The following RNF103 variants were observed in gnomAD, a reference collection of about 807,000 sequenced individuals.
RNF103 encodes E3 ubiquitin-protein ligase RNF103.
Under a neutral mutation model 66.2 loss-of-function variants are expected in RNF103, and 23 were observed. The ratio of observed to expected loss-of-function variants is 0.35; its 90% confidence interval spans 0.25 to 0.49. The LOEUF is 0.49. RNF103 is among the 20% of genes least tolerant of loss of function. The pLI is 0.98. For synonymous variants in RNF103, 297 were observed against 289.9 expected (o/e 1.02, Z -0.25); for missense variants, 730 against 814.7 (o/e 0.90, Z 1.27).
At chr2:86,611,309 A>G (rs1333902205) in intron 3 of RNF103, among the ~76,000 whole-genome samples, 3 of 152,174 alleles carry the variant, frequency 2.0e-5, no homozygotes, top group Admixed American at 6.6e-5. Context: ...CTCTTAGAGG[A>G]ACTCTACCAT....
Position 86,604,454 on chromosome 2 carries a change from C to G in RNF103, c.1447G>C (p.Asp483His). 6.2e-7 allele frequency: 1 copy of G among 1,614,198 alleles called. No homozygotes were observed. The highest frequency in any genetic ancestry group is 1.3e-5 in the African/African-American group (1 of 75,058). The change falls in exon 4 of 4, where the codon GAC becomes CAC. Residue 483 changes from aspartate to histidine, a missense_variant. Physicochemically the swap from Asp to His is moderately conservative, Grantham distance 81 (BLOSUM62 -1). Coordinates refer to ENST00000237455, the MANE Select transcript of RNF103 (RefSeq NM_005667.4). ...TCCAAGAATAAGTCAGGGTCTTCGT[C>G]CCAATCAGATTCTACAGGAAAGTTC... ...FQNFPVESDW[D>H]EDPDLFLERL... is the part of the protein sequence containing the mutation.
intron 2 of RNF103, 114 bp from the exon 3 acceptor site, chr2:86,612,388 C>T (rs1573360566): frequency 1.6e-6 from 1 of 626,848 alleles, no homozygotes; most frequent in East Asian, 2.8e-5. Context: ...GTTCCCAGTT[C>T]TTGTTTACTG....
rs768609074 is a variant in RNF103 at position 86,620,445 on chromosome 2, T to C, written c.251A>G (p.Tyr84Cys). ...KSGDLMEGEL[Y>C]SALKEEEASE... ...TGCTTCTTCTTCCTTGAGAGCAGAA[T>C]AGAGCTCACCCTCCATCAAGTCACC... is the stretch of plus-strand genomic sequence containing the variant. Residue 84 changes from tyrosine (Y) to cysteine (C), a missense_variant, in exon 2 of 4, where the codon TAT becomes TGT. By Grantham distance (194) the Tyr-to-Cys change is radical. Coordinates refer to ENST00000237455, the MANE Select transcript of RNF103 (RefSeq NM_005667.4). The C allele has an allele frequency of 6.3e-7, 1 of 1,598,228 alleles. No individual in the cohort carries two copies. Among genetic ancestry groups the C allele is most frequent in the Non-Finnish European group, 8.6e-7 (1 of 1,168,696 alleles).
chr2:86,623,314 T>C lies in RNF103; in HGVS notation c.-428A>G. The C allele has an allele frequency of 7.1e-6, 7 of 987,174 alleles. No homozygotes were observed. The highest frequency in any genetic ancestry group is 1.1e-4 in the East Asian group (1 of 8,730). 61.2% of individuals were successfully genotyped at this position (987,174 alleles called of 1,614,324 possible). On this transcript the variant is annotated 5_prime_UTR_variant, in exon 1 of 4. Coordinates refer to ENST00000237455, the MANE Select transcript of RNF103 (RefSeq NM_005667.4). ...CAAGGGGGAGGGGGAGACCAAAAAA[T>C]AACTCAGATCCGCCCAGGAGGCGGG...
In RNF103 at chr2:86,623,634, C is replaced by T; in HGVS notation, c.-748G>A. On this transcript the variant is annotated 5_prime_UTR_variant, in exon 1 of 4. Transcript: ENST00000237455. ...CGGCCCGGCCCAGGATGGGGCGTCG[C>T]GGTCTCTGCAGATGGAATCGGTCTC... The T allele has an allele frequency of 9.1e-7, 1 of 1,099,294 alleles. No homozygotes were observed. Among genetic ancestry groups the T allele is most frequent in the South Asian group, 1.9e-5 (1 of 52,432 alleles). 68.1% of individuals were successfully genotyped at this position (1,099,294 alleles called of 1,614,324 possible). A position where few individuals can be genotyped will look rare whatever the true frequency, so the allele number is the denominator to read the frequency against.
At position 86,623,466 on chromosome 2, in the gene RNF103, G is replaced by C. The variant is rs1679319425; in HGVS notation, c.-580C>G. The C allele has an allele frequency of 1.0e-6, 1 of 982,220 alleles. No individual in the cohort carries two copies. The highest frequency in any genetic ancestry group is 1.2e-6 in the Non-Finnish European group (1 of 828,720). The allele number at this position is 982,220 out of a possible 1,614,324, so 60.8% of individuals were successfully genotyped here. The stretch of plus-strand genomic sequence containing the variant: ...AGCGTGTTCTGCGCGGGGAGGAGCG[G>C]CCGCCGCAACGCCGCGCCCGAAGCC... On this transcript the variant is annotated 5_prime_UTR_variant, in exon 1 of 4. Transcript: ENST00000237455.
intron 2 of RNF103, chr2:86,617,130 T>C (rs1015085911): frequency 1.1e-5 from 11 of 985,166 alleles, no homozygotes; most frequent in Non-Finnish European, 1.2e-5. Flanking sequence ...ATGTCATATG[T>C]ATGTTGCTAC....
intron 2 of RNF103, chr2:86,616,920 G>A (rs1679045378): frequency 1.0e-6 from 1 of 985,284 alleles, no homozygotes; most frequent in African/African-American, 1.7e-5. Context: ...CTGACCAAGG[G>A]TCTTTTGAAA....
At chr2:86,608,486 CAAAAAAA>C (rs1222638516) in intron 3 of RNF103, among the ~76,000 whole-genome samples, 14 of 40,114 alleles carry the variant, frequency 3.5e-4, no homozygotes, top group African/African-American at 6.8e-4. Context: ...GACTCCATCT[CAAAAAAA>C]AAAAAAAAAA....
chr2:86,608,737 T>A (rs867367293), intron 3 of RNF103, among the ~76,000 whole-genome samples: 13 of 151,924 alleles, frequency 8.6e-5, no homozygotes, highest in African/African-American at 3.1e-4. Flanking sequence ...TCTTTACTAA[T>A]CCCCATCTCC....
At chr2:86,612,717 A>T (rs58366366) in intron 2 of RNF103, 2 of 153,152 alleles carry the variant, frequency 1.3e-5, no homozygotes. Flanking sequence ...TTCACTTTTT[A>T]AAAAGTATAA....
chr2:86,604,410 G>A lies in RNF103; in HGVS notation c.1491C>T (p.Asp497=), dbSNP rs996785152. ...DLFLERLAFP[D]LWLHPLIPTD... ...TTGGTATCAGAGGGTGAAGCCAAAG[G>A]TCAGGGAAAGCTAAGCGCTCCAAGA... Residue 497 remains aspartate (D), a synonymous_variant, in exon 4 of 4, where the codon GAC becomes GAT. Transcript: ENST00000237455. 4 of 1,614,104 alleles carry A rather than the reference G, an allele frequency of 2.5e-6. No homozygotes were observed. Among genetic ancestry groups the A allele is most frequent in the Admixed American group, 3.3e-5 (2 of 60,004 alleles).
At chr2:86,616,862 T>C in intron 2 of RNF103, 1 of 985,440 alleles carries the variant, frequency 1.0e-6, no homozygotes, top group Non-Finnish European at 1.2e-6. Flanking sequence ...CCATAAATTA[T>C]GCTAACTTCT....
In RNF103 at chr2:86,604,595, T is replaced by C. The variant is rs777502442; in HGVS notation, c.1306A>G (p.Lys436Glu). The change falls in exon 4 of 4, where the codon AAG becomes GAG. Residue 436 changes from lysine to glutamate, a missense_variant. Lys to Glu is a moderately conservative substitution (Grantham distance 56). This residue lies in a region of RNF103 where 355 missense variants were observed against 351.9 expected (regional missense o/e 1.01). Transcript: ENST00000237455. ...GHGLLIDYFE[K>E]KRRRNNNNDE... ...TTGTTGTTGTTGCGCCTTCTCTTCT[T>C]CTCAAAGTAATCAATTAGTAAACCA... 4.3e-6 allele frequency: 7 copies of C among 1,614,094 alleles called. No homozygotes were observed. Among genetic ancestry groups the C allele is most frequent in the Non-Finnish European group, 5.9e-6 (7 of 1,180,052 alleles).
chr2:86,603,956 C>G lies in RNF103; in HGVS notation c.1945G>C (p.Val649Leu). The G allele has an allele frequency of 6.2e-7, 1 of 1,614,148 alleles. No homozygotes were observed. Among genetic ancestry groups the G allele is most frequent in the Non-Finnish European group, 8.5e-7 (1 of 1,180,024 alleles). The change falls in exon 4 of 4, where the codon GTG becomes CTG. Residue 649 changes from valine (V) to leucine (L), a missense_variant. Val to Leu is a conservative substitution (Grantham distance 32). Around this residue, in one of 3 missense-constraint regions of RNF103, gnomAD observed 355 missense variants for 351.9 expected, o/e 1.01. Coordinates refer to ENST00000237455, the MANE Select transcript of RNF103 (RefSeq NM_005667.4). ...CGHVFHQNCI[V>L]MWLAGGRHCC... The stretch of plus-strand genomic sequence containing the variant: ...TGTCGGCCCCCAGCCAACCACATCA[C>G]AATGCAATTCTGATGAAACACATGA...
At chr2:86,620,594 G>C in intron 1 of RNF103, 125 bp from the exon 2 acceptor site, 2 of 1,250,280 alleles carry the variant, frequency 1.6e-6, no homozygotes, top group South Asian at 2.7e-5. Flanking sequence ...TTATAGACAA[G>C]AACTACTAGA....
intron 3 of RNF103, among the ~76,000 whole-genome samples, chr2:86,610,604 TTTTA>T (rs1156848356): frequency 6.6e-6 from 1 of 152,208 alleles, no homozygotes; most frequent in Non-Finnish European, 1.5e-5. Context: ...TAAAATGTGT[TTTTA>T]TTTGATGTTT....
chr2:86,616,352 A>C (rs2104249115), intron 2 of RNF103: 1 of 434,024 alleles, frequency 2.3e-6, no homozygotes, highest in African/African-American at 2.1e-5. Context: ...CTACTTTCAA[A>C]ATCATAAGCC....
intron 3 of RNF103, among the ~76,000 whole-genome samples, chr2:86,608,330 T>C (rs1678651586): frequency 6.6e-6 from 1 of 151,300 alleles, no homozygotes; most frequent in African/African-American, 2.4e-5. Context: ...CTACTGAAAA[T>C]ACAAAAATTA....
Sources: gnomAD v4.1 joint callset for allele counts (sites outside exome capture counted in the v4.1 genomes callset) on GRCh38, gnomAD v4.1.1 for gene constraint, gnomAD v4.1.1 regional missense constraint, MANE v1.5 for transcripts, NCBI Gene and HGNC (gene_info 2026-07-23, HGNC 2026-07-21) for gene names.